Variants in GPC6 observed in about 807,000 individuals in gnomAD.
GPC6 encodes glypican-6.
Under a neutral mutation model 55.2 loss-of-function variants are expected in GPC6, and 14 were observed. The observed-to-expected ratio is 0.25, with a 90% CI of 0.17 to 0.40. The LOEUF is 0.40. GPC6 is among the 10% of genes least tolerant of loss of function. GPC6 has a pLI of 1.00. For synonymous variants in GPC6, 278 were observed against 259.6 expected (o/e 1.07, Z -0.68); for missense variants, 641 against 708.5 (o/e 0.90, Z 1.08).
intron 1 of GPC6, among the ~76,000 whole-genome samples, chr13:93,278,174 A>G (rs1877821503): frequency 6.6e-6 from 1 of 152,238 alleles, no homozygotes; most frequent in Admixed American, 6.5e-5. Flanking sequence ...GAAATAGAAC[A>G]TAAATACCTA....
chr13:94,138,789 C>T (rs1181080837), intron 4 of GPC6, among the ~76,000 whole-genome samples: 2 of 152,052 alleles, frequency 1.3e-5, no homozygotes, highest in African/African-American at 2.4e-5. Context: ...ATGACAATAG[C>T]GACAAGGATG....
intron 2 of GPC6, among the ~76,000 whole-genome samples, chr13:93,791,942 A>G (rs1194320056): frequency 1.3e-5 from 2 of 152,216 alleles, no homozygotes; most frequent in African/African-American, 4.8e-5. Flanking sequence ...CTTATTCCCT[A>G]AGGATTTACA....
At chr13:93,820,869 C>G (rs1887021904) in intron 2 of GPC6, among the ~76,000 whole-genome samples, 1 of 151,992 alleles carries the variant, frequency 6.6e-6, no homozygotes, top group South Asian at 2.1e-4. Context: ...TAGATTTTAG[C>G]TACCGTGCAA....
intron 1 of GPC6, among the ~76,000 whole-genome samples, chr13:93,236,930 T>C (rs1876254829): frequency 6.6e-6 from 1 of 152,222 alleles, no homozygotes; most frequent in Non-Finnish European, 1.5e-5. Flanking sequence ...TAGTATTCCA[T>C]AGTATATATA....
chr13:93,936,477 ATTAGC>A (rs1288250035), intron 3 of GPC6, among the ~76,000 whole-genome samples: 2 of 152,086 alleles, frequency 1.3e-5, no homozygotes, highest in Non-Finnish European at 2.9e-5. Context: ...TTATTATTGA[ATTAGC>A]TAAATAAACT....
chr13:93,470,322 A>G (rs545230469), intron 1 of GPC6, among the ~76,000 whole-genome samples: 1 of 152,268 alleles, frequency 6.6e-6, no homozygotes, highest in South Asian at 2.1e-4. Flanking sequence ...TAATTTTTTA[A>G]ATCGTTAATG....
At chr13:93,415,442 C>A (rs1360214701) in intron 1 of GPC6, among the ~76,000 whole-genome samples, 1 of 152,014 alleles carries the variant, frequency 6.6e-6, no homozygotes, top group Non-Finnish European at 1.5e-5. Flanking sequence ...CCCTCATTTT[C>A]TTAATATTTT....
chr13:93,858,523 C>T (rs769080417), intron 3 of GPC6, among the ~76,000 whole-genome samples: 1 of 151,496 alleles, frequency 6.6e-6, no homozygotes, highest in Admixed American at 6.6e-5. Flanking sequence ...GATCCAAGAA[C>T]TCCAGCTTCA....
At chr13:93,612,953 C>A (rs984567739) in intron 2 of GPC6, among the ~76,000 whole-genome samples, 1 of 152,058 alleles carries the variant, frequency 6.6e-6, no homozygotes. Flanking sequence ...CTGTACAGAC[C>A]TTTAAATGAC....
intron 1 of GPC6, among the ~76,000 whole-genome samples, chr13:93,403,326 C>G (rs1252015334): frequency 6.6e-6 from 1 of 152,148 alleles, no homozygotes; most frequent in Non-Finnish European, 1.5e-5. Flanking sequence ...CAGGTCTACA[C>G]TGGTTGGTCT....
intron 3 of GPC6, among the ~76,000 whole-genome samples, chr13:93,848,875 A>T (rs1293378177): frequency 6.6e-6 from 1 of 152,028 alleles, no homozygotes; most frequent in African/African-American, 2.4e-5. Flanking sequence ...CCTTTCTTTC[A>T]AACCCAGCTC....
At chr13:93,287,275 A>G (rs538847729) in intron 1 of GPC6, among the ~76,000 whole-genome samples, 68 of 152,318 alleles carry the variant, frequency 4.5e-4, no homozygotes, top group Admixed American at 4.4e-3. Flanking sequence ...TGTCTAGATC[A>G]TTTAAAAAGT....
chr13:93,390,769 G>GC (rs1555296176), intron 1 of GPC6, among the ~76,000 whole-genome samples: 84 of 148,764 alleles, frequency 5.6e-4, no homozygotes, highest in African/African-American at 1.9e-3. Flanking sequence ...TGCATGTATA[G>GC]TTTTTTTTTC....
At chr13:94,188,160 T>C (rs1015549412) in intron 4 of GPC6, among the ~76,000 whole-genome samples, 32 of 152,224 alleles carry the variant, frequency 2.1e-4, no homozygotes, top group African/African-American at 6.5e-4. Flanking sequence ...ACTCACTTCA[T>C]GTCTCAGTGA....
Position 94,400,454 on chromosome 13 carries a change from C to T in GPC6, c.1465+1813C>T, listed in dbSNP as rs370853164. Among the ~76,000 whole-genome samples the T allele has an allele frequency of 1.1e-4, 16 of 152,260 alleles. No individual in the cohort carries two copies. The East Asian group carries it at 2.1e-3, about 20-fold the overall frequency. On this transcript the variant is annotated intron_variant, in intron 8 of 8. Transcript: ENST00000377047. ...TGACACCAGTGTTCAGAACAATTCC[C>T]TTAGCAATTCTGATATCTCTGAATT...
At chr13:93,381,865 A>G (rs1053504968) in intron 1 of GPC6, among the ~76,000 whole-genome samples, 1 of 152,096 alleles carries the variant, frequency 6.6e-6, no homozygotes, top group Admixed American at 6.6e-5. Flanking sequence ...TGACACATAC[A>G]TGTTGTTGCT....
chr13:93,506,180 A>G (rs912239970), intron 1 of GPC6, among the ~76,000 whole-genome samples: 1 of 152,144 alleles, frequency 6.6e-6, no homozygotes, highest in Non-Finnish European at 1.5e-5. Context: ...CACTTCTATC[A>G]TTAATGAAGT....
At chr13:94,371,716 T>A (rs779351481) in intron 6 of GPC6, among the ~76,000 whole-genome samples, 38 of 152,304 alleles carry the variant, frequency 2.5e-4, no homozygotes, top group Non-Finnish European at 3.8e-4. Flanking sequence ...TATTTTTAAC[T>A]TTTTCAATAC....
chr13:93,825,586 G>C (rs532775107), intron 2 of GPC6, among the ~76,000 whole-genome samples: 1 of 152,308 alleles, frequency 6.6e-6, no homozygotes, highest in South Asian at 2.1e-4. Context: ...AAATGGCACT[G>C]TGGGTCTCCC....
Sources: gnomAD v4.1 joint callset for allele counts (sites outside exome capture counted in the v4.1 genomes callset) on GRCh38, gnomAD v4.1.1 for gene constraint, MANE v1.5 for transcripts, NCBI Gene and HGNC (gene_info 2026-07-23, HGNC 2026-07-21) for gene names.